CAMTA1: variants seen among roughly 807,000 people sequenced by gnomAD.
CAMTA1 encodes calmodulin binding transcription activator 1.
In CAMTA1, 27 loss-of-function variants were observed where a neutral mutation model predicts 170.9. The ratio of observed to expected loss-of-function variants is 0.16; its 90% confidence interval spans 0.12 to 0.22. The LOEUF is 0.22. CAMTA1 is among the 10% of genes least tolerant of loss of function. The pLI, the probability that CAMTA1 is intolerant of heterozygous loss-of-function variation, is 1.00. For missense variants in CAMTA1, 1,619 were observed against 2,217.2 expected, an observed-to-expected ratio of 0.73 and a Z score of 5.42; for synonymous variants, 833 against 891.5, an observed-to-expected ratio of 0.93 and a Z score of 1.17.
chr1:7,495,964 AT>A (rs1163734050), intron 6 of CAMTA1, among the ~76,000 whole-genome samples: 1 of 152,030 alleles, frequency 6.6e-6, no homozygotes, highest in Non-Finnish European at 1.5e-5. Flanking sequence ...CCATCGTTTC[AT>A]TTCAGGTCGA....
intron 3 of CAMTA1, among the ~76,000 whole-genome samples, chr1:6,993,771 A>G (rs1045240468): frequency 2.6e-5 from 4 of 152,008 alleles, no homozygotes; most frequent in Non-Finnish European, 4.4e-5. Flanking sequence ...GACAGCCTAT[A>G]GTTTGGTCTT....
chr1:7,059,492 C>T lies in CAMTA1; in HGVS notation c.235-31812C>T, dbSNP rs143089492. On this transcript the variant is annotated intron_variant, in intron 3 of 22. Coordinates refer to ENST00000303635, the MANE Select transcript of CAMTA1 (RefSeq NM_015215.4). ...AAAATTAGCTGGGCACAACGATGCA[C>T]ACCTGTAGTCCCAGCTACTTGGGAG... 1.2e-3 allele frequency among the ~76,000 whole-genome samples: 186 copies of T among 152,222 alleles called. 2 individuals are homozygous for T. The highest frequency in any genetic ancestry group is 0.012 in the South Asian group (58 of 4,798).
chr1:7,063,086 C>T lies in CAMTA1; in HGVS notation c.235-28218C>T, dbSNP rs1354406294. Among the ~76,000 whole-genome samples the T allele has an allele frequency of 1.3e-5, 2 of 152,202 alleles. No homozygotes were observed. The highest frequency in any genetic ancestry group is 2.9e-5 in the Non-Finnish European group (2 of 68,036). Reference sequence around the variant, plus strand: ...TTGGGGAACACGGATTCATTTTTCTCACTTCCCTAACAAAATATAAACTGC... The same window carrying T: ...TTGGGGAACACGGATTCATTTTTCTTACTTCCCTAACAAAATATAAACTGC... On this transcript the variant is annotated intron_variant, in intron 3 of 22. Coordinates refer to ENST00000303635, the MANE Select transcript of CAMTA1 (RefSeq NM_015215.4). This position sits in a 1 kb window ranked among gnomAD's most constrained non-coding sequence, Gnocchi z 4.3.
At chr1:7,493,446 AAC>A (rs570728297) in intron 6 of CAMTA1, among the ~76,000 whole-genome samples, 3 of 129,764 alleles carry the variant, frequency 2.3e-5, no homozygotes, top group Admixed American at 1.5e-4. Context: ...CAAACATACA[AAC>A]ACACGTGCAA....
intron 6 of CAMTA1, among the ~76,000 whole-genome samples, chr1:7,530,944 G>C (rs969798822): frequency 1.3e-5 from 2 of 150,312 alleles, no homozygotes; most frequent in Admixed American, 6.7e-5. Context: ...CCTCCCCCAA[G>C]TAGCTGGGAT....
rs56410816 is a variant in CAMTA1, at chr1:6,818,191, G to A, written c.46-1990G>A. On this transcript the variant is annotated intron_variant, in intron 1 of 22. Transcript: ENST00000303635. ...ATCTCTACTAAAAATACACAAATTA[G>A]CCAGGCATGGTGGCGGACACCTGTG... Among the ~76,000 whole-genome samples the A allele has an allele frequency of 2.6e-3, 397 of 152,194 alleles. 1 individual carries two copies. Among genetic ancestry groups the A allele is most frequent in the African/African-American group, 9.2e-3 (383 of 41,530 alleles).
chr1:7,075,192 G>T (rs1639133147), intron 3 of CAMTA1, among the ~76,000 whole-genome samples: 1 of 152,150 alleles, frequency 6.6e-6, no homozygotes, highest in Non-Finnish European at 1.5e-5. Flanking sequence ...AAGTGGTCGG[G>T]AGTCTTCAGT....
At chr1:7,491,571 T>C (rs1193230) in intron 6 of CAMTA1, among the ~76,000 whole-genome samples, 100,501 of 152,088 alleles carry the variant, frequency 0.66, 34,389 homozygotes, top group African/African-American at 0.83. Context: ...AGGCAGAGCG[T>C]TAAATAATTA....
chr1:6,832,870 GT>G (rs1239708623), intron 3 of CAMTA1, among the ~76,000 whole-genome samples: 3 of 152,192 alleles, frequency 2.0e-5, no homozygotes, highest in Admixed American at 6.5e-5. Flanking sequence ...ATAGTACGAA[GT>G]TTCAAATTAA....
In CAMTA1 at chr1:7,044,990, T is replaced by G. The variant is rs183009438; in HGVS notation, c.235-46314T>G. ...GCAGCCTCTTCATAAACCCAGTGAATAAATCTCTTCAATTGTTGAGACTCC... is the reference window on the plus strand; with the variant it reads ...GCAGCCTCTTCATAAACCCAGTGAAGAAATCTCTTCAATTGTTGAGACTCC... On this transcript the variant is annotated intron_variant, in intron 3 of 22. Coordinates refer to ENST00000303635, the MANE Select transcript of CAMTA1 (RefSeq NM_015215.4). The surrounding 1 kb of genome is among the most constrained non-coding windows in gnomAD (Gnocchi z 5.0). 7.2e-5 allele frequency among the ~76,000 whole-genome samples: 11 copies of G among 152,290 alleles called. No individual in the cohort carries two copies. Among genetic ancestry groups the G allele is most frequent in the Admixed American group, 7.2e-4 (11 of 15,300 alleles).
chr1:7,675,678 G>T (rs1343051557), intron 10 of CAMTA1, among the ~76,000 whole-genome samples: 2 of 152,196 alleles, frequency 1.3e-5, no homozygotes, highest in Non-Finnish European at 2.9e-5. Context: ...TCGACAGGAG[G>T]CTAATGAAGG....
intron 6 of CAMTA1, among the ~76,000 whole-genome samples, chr1:7,473,471 A>C (rs1329698019): frequency 1.3e-5 from 2 of 152,196 alleles, no homozygotes; most frequent in East Asian, 3.8e-4. Context: ...CTGGAGTTCC[A>C]TACTCAGGCC....
rs754856728 is a variant in CAMTA1 at position 7,664,645 on chromosome 1, G to T, written c.2098G>T (p.Gly700Trp). 2 of 1,607,334 alleles carry T rather than the reference G, an allele frequency of 1.2e-6. No homozygotes were observed. Among genetic ancestry groups the T allele is most frequent in the East Asian group, 2.2e-5 (1 of 44,650 alleles). The change falls in exon 9 of 23, where the codon GGG becomes TGG. Residue 700 changes from glycine to tryptophan, a missense_variant. Coordinates refer to ENST00000303635, the MANE Select transcript of CAMTA1 (RefSeq NM_015215.4). ...VTMETSQAAE[G>W]SEVLLKSGEL... ...CATGGAGACCTCGCAGGCGGCGGAAGGGAGCGAGGTCCTGCTCAAGTCTGG... is the reference window on the plus strand; with the variant it reads ...CATGGAGACCTCGCAGGCGGCGGAATGGAGCGAGGTCCTGCTCAAGTCTGG...
chr1:6,812,603 A>G (rs543320186), intron 1 of CAMTA1, among the ~76,000 whole-genome samples: 7 of 152,306 alleles, frequency 4.6e-5, no homozygotes, highest in South Asian at 2.1e-4. Context: ...AAATGTGGAC[A>G]TTTAGTAAGT....
chr1:7,327,008 G>A (rs2082723916), intron 5 of CAMTA1, among the ~76,000 whole-genome samples: 1 of 152,148 alleles, frequency 6.6e-6, no homozygotes, highest in Admixed American at 6.5e-5. Context: ...GCTGTCTTCA[G>A]GTCACATTCA....
At position 7,456,960 on chromosome 1, in the gene CAMTA1, G is replaced by A. The variant is rs754378352; in HGVS notation, c.439-10870G>A. ...GAGCAGCCCATGTGGAGAGTGGAGC[G>A]AGGCCCAGCAGAGTTCGGCGCCGCC... On this transcript the variant is annotated intron_variant, in intron 5 of 22. Coordinates refer to ENST00000303635, the MANE Select transcript of CAMTA1 (RefSeq NM_015215.4). This position sits in a 1 kb window ranked among gnomAD's most constrained non-coding sequence, Gnocchi z 4.9. Among the ~76,000 whole-genome samples, 4 of 151,970 alleles carry A rather than the reference G, an allele frequency of 2.6e-5. No homozygotes were observed. Among genetic ancestry groups the A allele is most frequent in the Non-Finnish European group, 5.9e-5 (4 of 67,990 alleles).
At chr1:7,094,061 G>A (rs562763262) in intron 4 of CAMTA1, among the ~76,000 whole-genome samples, 6 of 152,196 alleles carry the variant, frequency 3.9e-5, no homozygotes, top group Non-Finnish European at 5.9e-5. Context: ...TTCGACAGGC[G>A]TCTGCCAGGA....
chr1:7,418,051 C>T (rs1441298264), intron 5 of CAMTA1, among the ~76,000 whole-genome samples: 4 of 152,074 alleles, frequency 2.6e-5, no homozygotes, highest in Non-Finnish European at 4.4e-5. Context: ...TTGGTGTGGT[C>T]GATTGCCCCC....
At chr1:7,705,741 G>A (rs1290150597) in intron 11 of CAMTA1, among the ~76,000 whole-genome samples, 1 of 152,182 alleles carries the variant, frequency 6.6e-6, no homozygotes, top group Middle Eastern at 3.2e-3. Context: ...TCGGGCGACG[G>A]GGGACTGTCT....
Sources: allele counts gnomAD v4.1 joint callset (sites outside exome capture counted in the v4.1 genomes callset), GRCh38; gene constraint gnomAD v4.1.1; non-coding constraint Gnocchi (gnomAD v3.1); transcripts MANE v1.5; gene names NCBI Gene and HGNC (gene_info 2026-07-23, HGNC 2026-07-21).